The following RHOQ variants were observed in gnomAD, a reference collection of about 807,000 sequenced individuals.
RHOQ encodes the protein ras homolog family member Q.
RHOQ carries 7 observed loss-of-function variants against 25.8 expected under a neutral mutation model. The ratio of observed to expected loss-of-function variants is 0.27; its 90% confidence interval spans 0.15 to 0.51. RHOQ has a LOEUF of 0.51. RHOQ is among the 20% of genes least tolerant of loss of function. The pLI, the probability that RHOQ is intolerant of heterozygous loss-of-function variation, is 0.97. For synonymous variants in RHOQ, 97 were observed against 98.6 expected, an observed-to-expected ratio of 0.98 and a Z score of 0.10; for missense variants, 165 against 260.6, an observed-to-expected ratio of 0.63 and a Z score of 2.53.
chr2:46,567,164 T>C (rs1434742886), intron 2 of RHOQ, among the ~76,000 whole-genome samples: 1 of 152,216 alleles, frequency 6.6e-6, no homozygotes, highest in East Asian at 1.9e-4. Flanking sequence ...TAAAACTATT[T>C]ATTTCAGTGT....
At chr2:46,558,834 T>C (rs1271569338) in intron 2 of RHOQ, among the ~76,000 whole-genome samples, 4 of 152,236 alleles carry the variant, frequency 2.6e-5, no homozygotes, top group Non-Finnish European at 5.9e-5. Context: ...AATAGAAACT[T>C]CCTCAAGTTT....
chr2:46,543,853 C>A, intron 2 of RHOQ, 41 bp downstream of exon 2: 1 of 1,584,928 alleles, frequency 6.3e-7, no homozygotes, highest in Non-Finnish European at 8.6e-7. Context: ...CCTCCTGTTC[C>A]CCAGTTCTTT....
At chr2:46,543,270 C>T (rs893541987) in intron 1 of RHOQ, 82 bp downstream of exon 1, 1 of 1,515,436 alleles carries the variant, frequency 6.6e-7, no homozygotes, top group Non-Finnish European at 9.1e-7. Flanking sequence ...CCCTCGCCGC[C>T]TCCCCAGAGC....
In RHOQ at chr2:46,576,328, C is replaced by A. The variant is rs1669126180; in HGVS notation, c.366+77C>A. The A allele has an allele frequency of 4.0e-6, 5 of 1,248,082 alleles. No individual in the cohort carries two copies. The South Asian group carries it at 7.2e-5, about 18-fold the overall frequency. 77.3% of individuals were successfully genotyped at this position (1,248,082 alleles called of 1,614,324 possible). A position where few individuals can be genotyped will look rare whatever the true frequency, so the allele number is the denominator to read the frequency against. On this transcript the variant is annotated intron_variant, in intron 3 of 4. Transcript: ENST00000238738. This position sits in a 1 kb window ranked among gnomAD's most constrained non-coding sequence, Gnocchi z 5.1. ...TAGAGGCTGCTCTCAGACAAACAGT[C>A]CCAAAGCTGAGCAAATGATGTAAGT...
At chr2:46,546,478 A>ATATATATATATATATATATATT (rs1668058830) in intron 2 of RHOQ, among the ~76,000 whole-genome samples, 1 of 11,440 alleles carries the variant, frequency 8.7e-5, no homozygotes, top group Admixed American at 1.1e-3. Flanking sequence ...ATATATGTGT[A>ATATATATATATATATATATATT]TATATATATA....
rs1017232233 is a variant in RHOQ at position 46,544,159 on chromosome 2, C to G, written c.201+347C>G. Among the ~76,000 whole-genome samples the G allele has an allele frequency of 5.3e-5, 8 of 152,150 alleles. 1 individual carries two copies. The highest frequency in any genetic ancestry group is 2.1e-4 in the South Asian group (1 of 4,828). ...TAGTTGCAGATGACCAGGTCTCCCC[C>G]CCACAGCCTCTGTCTGGTCCCTCAT... On this transcript the variant is annotated intron_variant, in intron 2 of 4. Transcript: ENST00000238738.
At chr2:46,565,841 G>A (rs1668715514) in intron 2 of RHOQ, among the ~76,000 whole-genome samples, 1 of 152,238 alleles carries the variant, frequency 6.6e-6, no homozygotes, top group Admixed American at 6.5e-5. Context: ...AGGGGAAGAT[G>A]CAGATCAGAA....
chr2:46,580,974 G>T lies in RHOQ; in HGVS notation c.509G>T (p.Gly170Val), dbSNP rs760621933. 6.3e-7 allele frequency: 1 copy of T among 1,577,794 alleles called. No individual in the cohort carries two copies. The highest frequency in any genetic ancestry group is 8.6e-7 in the Non-Finnish European group (1 of 1,167,634). Residue 170 changes from glycine to valine, a missense_variant, in exon 5 of 5, where the codon GGA becomes GTA. Transcript: ENST00000238738. ...YVECSALTQK[G>V]LKTVFDEAII... ...GAATGTTCAGCTTTAACCCAGAAGG[G>T]ATTGAAGACTGTTTTTGATGAGGCT... is the stretch of plus-strand genomic sequence containing the variant.
chr2:46,575,466 G>A (rs1669085303), intron 2 of RHOQ, among the ~76,000 whole-genome samples: 1 of 143,372 alleles, frequency 7.0e-6, no homozygotes, highest in Non-Finnish European at 1.5e-5. Flanking sequence ...ATAGAAACAA[G>A]GAAAGCAAAG....
At chr2:46,546,490 A>ATCCG (rs1668063776) in intron 2 of RHOQ, among the ~76,000 whole-genome samples, 2 of 21,206 alleles carry the variant, frequency 9.4e-5, no homozygotes, top group African/African-American at 4.8e-4. Context: ...ATATATATAT[A>ATCCG]TATATATATA....
At chr2:46,579,720 T>C (rs1046319749) in intron 4 of RHOQ, among the ~76,000 whole-genome samples, 2 of 151,922 alleles carry the variant, frequency 1.3e-5, no homozygotes, top group African/African-American at 4.8e-5. Context: ...TGGTGGCACA[T>C]GCCTGTAATC....
chr2:46,572,238 G>A (rs1320011631), intron 2 of RHOQ, among the ~76,000 whole-genome samples: 3 of 150,690 alleles, frequency 2.0e-5, no homozygotes, highest in Non-Finnish European at 4.4e-5. Context: ...GAGTAGCTGG[G>A]ACTGCAGGCA....
rs1271614244 is a variant in RHOQ at position 46,581,364 on chromosome 2, T to C, written c.*281T>C. 10 of 1,460,150 alleles carry C rather than the reference T, an allele frequency of 6.8e-6. No individual in the cohort carries two copies. The East Asian group carries it at 7.5e-5, about 11-fold the overall frequency. The allele number at this position is 1,460,150 out of a possible 1,614,324, so 90.4% of individuals were successfully genotyped here. On this transcript the variant is annotated 3_prime_UTR_variant, in exon 5 of 5. Transcript: ENST00000238738. Reference sequence around the variant, plus strand: ...AGTTTAAAAAGCTACAATCACATCATGTTGTAACTACGTAAAAAACAGAGC... The same window carrying C: ...AGTTTAAAAAGCTACAATCACATCACGTTGTAACTACGTAAAAAACAGAGC...
chr2:46,550,616 C>T (rs535194476), intron 2 of RHOQ, among the ~76,000 whole-genome samples: 4 of 152,080 alleles, frequency 2.6e-5, no homozygotes, highest in South Asian at 2.1e-4. Flanking sequence ...AGATGAACTT[C>T]GAATCCTAGT....
rs1049744739 is a variant in RHOQ, at chr2:46,581,550, G to A, written c.*467G>A. 6.2e-6 allele frequency: 10 copies of A among 1,611,458 alleles called. No individual in the cohort carries two copies. Among genetic ancestry groups the A allele is most frequent in the Admixed American group, 3.3e-5 (2 of 59,980 alleles). ...GTGGTGAAATAACAAGGCCAGCCACGTAGCCAAAGGTCGCTCCAAGCGTAC... is the reference window on the plus strand; with the variant it reads ...GTGGTGAAATAACAAGGCCAGCCACATAGCCAAAGGTCGCTCCAAGCGTAC... On this transcript the variant is annotated 3_prime_UTR_variant, in exon 5 of 5. Coordinates refer to ENST00000238738, the MANE Select transcript of RHOQ (RefSeq NM_012249.4).
chr2:46,549,819 G>A lies in RHOQ; in HGVS notation c.201+6007G>A, dbSNP rs1179830893. Among the ~76,000 whole-genome samples, 7 of 152,242 alleles carry A rather than the reference G, an allele frequency of 4.6e-5. No homozygotes were observed. The East Asian group carries it at 9.6e-4, about 21-fold the overall frequency. On this transcript the variant is annotated intron_variant, in intron 2 of 4. Transcript: ENST00000238738. ...ACGCTCTCCTGCCCAGTGCCGGCCA[G>A]GACCTCCTGGATGCGTTCTTGCTCT...
chr2:46,543,491 G>A (rs1572729899), intron 1 of RHOQ: 2 of 598,600 alleles, frequency 3.3e-6, no homozygotes, highest in South Asian at 2.0e-5. Context: ...CCAAGGCCCC[G>A]GGGGAAATAT....
At chr2:46,573,482 T>C (rs1669004562) in intron 2 of RHOQ, among the ~76,000 whole-genome samples, 2 of 152,234 alleles carry the variant, frequency 1.3e-5, no homozygotes, top group South Asian at 4.1e-4. Context: ...TATTTTTTAA[T>C]AGCCCCAGTT....
At chr2:46,560,694 A>T in intron 2 of RHOQ, 1 of 449,652 alleles carries the variant, frequency 2.2e-6, no homozygotes, top group Non-Finnish European at 4.5e-6. Flanking sequence ...ACAGAGGTAG[A>T]TAGTCACTAA....
Sources: gnomAD v4.1 joint callset for allele counts (sites outside exome capture counted in the v4.1 genomes callset) on GRCh38, gnomAD v4.1.1 for gene constraint, Gnocchi (gnomAD v3.1) non-coding constraint, MANE v1.5 for transcripts, NCBI Gene and HGNC (gene_info 2026-07-23, HGNC 2026-07-21) for gene names.